The following UGT1A7 variants were observed in gnomAD, a reference collection of about 807,000 sequenced individuals.
UGT1A7 encodes the protein UDP glucuronosyltransferase family 1 member A7.
UGT1A7 carries 33 observed loss-of-function variants against 45.6 expected under a neutral mutation model. The observed-to-expected ratio is 0.72, with a 90% CI of 0.55 to 0.97. The LOEUF (loss-of-function observed/expected upper bound fraction) is 0.97, where lower values mean the gene tolerates loss of function less well. Among genes scored for constraint, UGT1A7 ranks in the 50% least tolerant of loss-of-function variants. The pLI, the probability that UGT1A7 is intolerant of heterozygous loss-of-function variation, is 0.00. For synonymous variants in UGT1A7, 274 were observed against 250.6 expected, an observed-to-expected ratio of 1.09 and a Z score of -0.88; for missense variants, 684 against 666.2, an observed-to-expected ratio of 1.03 and a Z score of -0.29.
chr2:233,727,367 AG>A (rs1325581943), intron 1 of UGT1A7, among the ~76,000 whole-genome samples: 7 of 152,052 alleles, frequency 4.6e-5, no homozygotes, highest in Non-Finnish European at 1.0e-4. Flanking sequence ...TAGGGCCCCT[AG>A]GTCTCTGGAG....
At chr2:233,709,458 T>A (rs1048342871) in intron 1 of UGT1A7, among the ~76,000 whole-genome samples, 2 of 152,212 alleles carry the variant, frequency 1.3e-5, no homozygotes, top group African/African-American at 4.8e-5. Flanking sequence ...TTTAAAGCAA[T>A]CATTTTGGGG....
intron 1 of UGT1A7, among the ~76,000 whole-genome samples, chr2:233,737,465 G>A (rs1434915889): frequency 6.6e-6 from 1 of 152,178 alleles, no homozygotes; most frequent in African/African-American, 2.4e-5. Context: ...AGTCTGTCAT[G>A]GCTCCCCTTG....
Position 233,719,098 on chromosome 2 carries a change from C to T in UGT1A7, c.855+36306C>T, listed in dbSNP as rs188914242. 5.5e-5 allele frequency: 89 copies of T among 1,614,240 alleles called. 1 individual carries two copies. In the Admixed American group the frequency reaches 7.3e-4, roughly 13 times the overall value. On this transcript the variant is annotated intron_variant, in intron 1 of 4. Coordinates refer to ENST00000373426, the MANE Select transcript of UGT1A7 (RefSeq NM_019077.3). Reference sequence around the variant, plus strand: ...ACCCAGAAGGAATTTGATCGCGTTACGCTGGGCTACACTCAAGGGTTCTTT... The same window carrying T: ...ACCCAGAAGGAATTTGATCGCGTTATGCTGGGCTACACTCAAGGGTTCTTT...
At chr2:233,721,825 G>T in intron 1 of UGT1A7, 1 of 515,562 alleles carries the variant, frequency 1.9e-6, no homozygotes, top group Non-Finnish European at 3.9e-6. Context: ...ACCCTATTTG[G>T]GCCACCGACC....
chr2:233,760,544 A>C (rs1287938183), intron 1 of UGT1A7: 1 of 1,614,126 alleles, frequency 6.2e-7, no homozygotes, highest in Non-Finnish European at 8.5e-7. Flanking sequence ...TTCCAAAGGG[A>C]GGATGTGAAA....
At chr2:233,754,961 G>A (rs760905245) in intron 1 of UGT1A7, 13 of 1,310,256 alleles carry the variant, frequency 9.9e-6, no homozygotes, top group Admixed American at 9.5e-5. Flanking sequence ...GGCCGCCAAA[G>A]AACTCCCTGA....
Position 233,682,259 on chromosome 2 carries a change from C to G in UGT1A7, c.322C>G (p.Leu108Val), listed in dbSNP as rs201200762. ...WTAPLRSAFS[L>V]LTSSSNGIFD... ...GGCACCATTGCGAAGTGCATTTTCT[C>G]TATTAACAAGTTCATCCAATGGTAT... The change falls in exon 1 of 5, where the codon CTA (leucine) becomes GTA (valine). Residue 108 changes from leucine to valine, a missense_variant. Physicochemically the swap from Leu to Val is conservative, Grantham distance 32 (BLOSUM62 1). Coordinates refer to ENST00000373426, the MANE Select transcript of UGT1A7 (RefSeq NM_019077.3). The G allele has an allele frequency of 1.2e-5, 20 of 1,614,172 alleles. No homozygotes were observed. Among genetic ancestry groups the G allele is most frequent in the Middle Eastern group, 1.6e-4 (1 of 6,062 alleles).
At chr2:233,719,543 A>G (rs756254321) in intron 1 of UGT1A7, 16 of 1,613,668 alleles carry the variant, frequency 9.9e-6, no homozygotes, top group Non-Finnish European at 8.5e-6. Flanking sequence ...TTTTTCAGAG[A>G]GAGGTGTCAG....
chr2:233,731,132 CTA>C (rs1206897988), intron 1 of UGT1A7, among the ~76,000 whole-genome samples: 3 of 152,006 alleles, frequency 2.0e-5, no homozygotes, highest in African/African-American at 7.3e-5. Flanking sequence ...GCAAAAGACT[CTA>C]AGCTTCATTT....
chr2:233,688,178 A>C (rs2074881066), intron 1 of UGT1A7, among the ~76,000 whole-genome samples: 1 of 152,218 alleles, frequency 6.6e-6, no homozygotes. Flanking sequence ...TGGAAATGGA[A>C]GCCTTTATGA....
At chr2:233,695,293 T>A (rs192204458) in intron 1 of UGT1A7, among the ~76,000 whole-genome samples, 1 of 152,146 alleles carries the variant, frequency 6.6e-6, no homozygotes, top group Admixed American at 6.5e-5. Context: ...TCCCAGCTAA[T>A]TTTTGCATTT....
chr2:233,723,584 A>C (rs1403831697), intron 1 of UGT1A7, among the ~76,000 whole-genome samples: 1 of 77,864 alleles, frequency 1.3e-5, no homozygotes, highest in Non-Finnish European at 2.3e-5. Context: ...ACAGAGGGGG[A>C]TTTGGCAGGG....
intron 1 of UGT1A7, among the ~76,000 whole-genome samples, chr2:233,715,001 C>G (rs1309641293): frequency 6.6e-6 from 1 of 152,178 alleles, no homozygotes; most frequent in Admixed American, 6.5e-5. Context: ...CTCAGCCTCC[C>G]AAGTAGCTGG....
At chr2:233,757,538 ATAT>A in intron 1 of UGT1A7, among the ~76,000 whole-genome samples, 1 of 109,754 alleles carries the variant, frequency 9.1e-6, no homozygotes, top group African/African-American at 4.4e-5. Context: ...TGTAAGGAAT[ATAT>A]ATATATATAT....
intron 1 of UGT1A7, among the ~76,000 whole-genome samples, chr2:233,766,812 C>T (rs2126028424): frequency 6.6e-6 from 1 of 152,290 alleles, no homozygotes; most frequent in African/African-American, 2.4e-5. Context: ...GATTTTGCAT[C>T]TCAAGGATAA....
chr2:233,765,357 A>T (rs1425075140), intron 1 of UGT1A7, among the ~76,000 whole-genome samples: 2 of 152,244 alleles, frequency 1.3e-5, no homozygotes, highest in Non-Finnish European at 2.9e-5. Context: ...GAACCAACCC[A>T]GATGCCCATC....
intron 1 of UGT1A7, among the ~76,000 whole-genome samples, chr2:233,745,639 G>A (rs182919627): frequency 4.6e-5 from 7 of 151,616 alleles, no homozygotes; most frequent in African/African-American, 1.7e-4. Flanking sequence ...AAAGCTGGCC[G>A]AGGGTAGAGT....
intron 1 of UGT1A7, among the ~76,000 whole-genome samples, chr2:233,724,261 G>C (rs1182689801): frequency 8.1e-5 from 8 of 98,862 alleles, no homozygotes; most frequent in East Asian, 3.8e-4. Context: ...CTCACCTCCC[G>C]GACGGGGCGG....
intron 1 of UGT1A7, among the ~76,000 whole-genome samples, chr2:233,711,377 C>G (rs1440566263): frequency 6.6e-6 from 1 of 152,222 alleles, no homozygotes; most frequent in Non-Finnish European, 1.5e-5. Flanking sequence ...GTGAGAGCAC[C>G]CTCCCAGGTG....
Sources: gnomAD v4.1 joint callset for allele counts (sites outside exome capture counted in the v4.1 genomes callset) on GRCh38, gnomAD v4.1.1 for gene constraint, MANE v1.5 for transcripts, NCBI Gene and HGNC (gene_info 2026-07-23, HGNC 2026-07-21) for gene names.